PAK5: variants seen among roughly 807,000 people sequenced by gnomAD.
PAK5 encodes the protein p21 (RAC1) activated kinase 5.
In PAK5, 16 loss-of-function variants were observed where a neutral mutation model predicts 65.9. The ratio of observed to expected loss-of-function variants is 0.24; its 90% CI spans 0.16 to 0.37. The LOEUF is 0.37. Among genes scored for constraint, PAK5 ranks in the 10% least tolerant of loss-of-function variants. The pLI, the probability that PAK5 is intolerant of heterozygous loss-of-function variation, is 1.00. For synonymous variants in PAK5, 371 were observed against 354.9 expected (o/e 1.05, Z -0.51); for missense variants, 785 against 903.9 (o/e 0.87, Z 1.69).
At chr20:9,676,804 T>C (rs1008772493) in intron 2 of PAK5, among the ~76,000 whole-genome samples, 2 of 152,206 alleles carry the variant, frequency 1.3e-5, no homozygotes, top group Admixed American at 6.5e-5. Context: ...AGAAACTTTG[T>C]TAATCCACTC....
At chr20:9,555,953 T>G (rs1021702098) in intron 7 of PAK5, among the ~76,000 whole-genome samples, 3 of 152,192 alleles carry the variant, frequency 2.0e-5, no homozygotes, top group Non-Finnish European at 4.4e-5. Context: ...TGAGTAAGGC[T>G]ATCACCATAG....
At chr20:9,775,162 T>C (rs1339298381) in intron 1 of PAK5, among the ~76,000 whole-genome samples, 1 of 152,168 alleles carries the variant, frequency 6.6e-6, no homozygotes, top group East Asian at 1.9e-4. Context: ...AGAAATGTTC[T>C]ATCTTGGTTG....
intron 1 of PAK5, among the ~76,000 whole-genome samples, chr20:9,779,041 C>T (rs945965302): frequency 2.0e-5 from 3 of 151,972 alleles, no homozygotes; most frequent in African/African-American, 2.4e-5. Flanking sequence ...TCAGATTTAG[C>T]GTCTCTTTTT....
At chr20:9,690,491 G>A (rs1423818869) in intron 2 of PAK5, among the ~76,000 whole-genome samples, 9 of 152,024 alleles carry the variant, frequency 5.9e-5, no homozygotes, top group Non-Finnish European at 1.3e-4. Context: ...AATAATTCAG[G>A]GAAAAGAAGA....
intron 2 of PAK5, among the ~76,000 whole-genome samples, chr20:9,646,208 G>T (rs2047132594): frequency 6.6e-6 from 1 of 152,090 alleles, no homozygotes. Context: ...TTAAACACTT[G>T]TCCCTGTGTG....
Position 9,665,085 on chromosome 20 carries a change from GTTT to G in PAK5, c.-11-20749_-11-20747del, listed in dbSNP as rs754435525. 2.3e-4 allele frequency among the ~76,000 whole-genome samples: 23 copies of G among 98,890 alleles called. 2 individuals carry two copies. Among genetic ancestry groups the G allele is most frequent in the African/African-American group, 8.9e-4 (22 of 24,618 alleles). The allele number at this position is 98,890 out of a possible 152,430, so 64.9% of individuals were successfully genotyped here. A position where few individuals can be genotyped will look rare whatever the true frequency, so the allele number is the denominator to read the frequency against. ...CCACCATGCCCAGCTAAATTTTTCT[GTTT>G]TTTTTTTTTTTTGTAGTGATGAAGT... is the stretch of plus-strand genomic sequence containing the variant. On this transcript the variant is annotated intron_variant, in intron 2 of 9. Transcript: ENST00000353224.
At chr20:9,798,665 C>A (rs933094710) in intron 1 of PAK5, among the ~76,000 whole-genome samples, 3 of 152,096 alleles carry the variant, frequency 2.0e-5, no homozygotes, top group African/African-American at 7.2e-5. Context: ...AAAGTAGCTT[C>A]CTAGAATTTC....
intron 3 of PAK5, among the ~76,000 whole-genome samples, chr20:9,606,296 T>C (rs1169880841): frequency 6.6e-6 from 1 of 152,166 alleles, no homozygotes; most frequent in African/African-American, 2.4e-5. Context: ...TCCCCGATGA[T>C]TGTAAGTTTT....
chr20:9,574,302 C>G (rs2045846148), intron 4 of PAK5, among the ~76,000 whole-genome samples: 1 of 152,172 alleles, frequency 6.6e-6, no homozygotes, highest in Non-Finnish European at 1.5e-5. Flanking sequence ...ATGAATAAAT[C>G]TGAGATGTGC....
At chr20:9,544,585 A>G (rs2045315555) in intron 7 of PAK5, 91 bp from the exon 8 acceptor site, 1 of 1,241,084 alleles carries the variant, frequency 8.1e-7, no homozygotes, top group Non-Finnish European at 1.2e-6. Context: ...CAAATTTAAA[A>G]CAAAACAGTC....
chr20:9,629,763 T>C (rs981399589), intron 3 of PAK5, among the ~76,000 whole-genome samples: 1 of 152,204 alleles, frequency 6.6e-6, no homozygotes, highest in Non-Finnish European at 1.5e-5. Context: ...TGTATAAAGT[T>C]TGGGAGGGAC....
At chr20:9,809,681 T>G (rs1417064924) in intron 1 of PAK5, among the ~76,000 whole-genome samples, 1 of 152,218 alleles carries the variant, frequency 6.6e-6, no homozygotes, top group Non-Finnish European at 1.5e-5. Flanking sequence ...ACATCCCACC[T>G]TCCTGATTTC....
At chr20:9,667,673 C>A (rs1201775066) in intron 2 of PAK5, among the ~76,000 whole-genome samples, 2 of 152,148 alleles carry the variant, frequency 1.3e-5, no homozygotes, top group Non-Finnish European at 2.9e-5. Flanking sequence ...CCCACTGAAT[C>A]ATGAGATATC....
chr20:9,678,968 T>C (rs1481599483), intron 2 of PAK5, among the ~76,000 whole-genome samples: 2 of 152,116 alleles, frequency 1.3e-5, no homozygotes, highest in Admixed American at 1.3e-4. Context: ...AATACACAGT[T>C]GACCCTTGAA....
chr20:9,684,585 C>T (rs1371745019), intron 2 of PAK5, among the ~76,000 whole-genome samples: 1 of 152,184 alleles, frequency 6.6e-6, no homozygotes, highest in Non-Finnish European at 1.5e-5. Context: ...TTTCCTTCCT[C>T]CCGGGGACAT....
At chr20:9,758,329 C>T (rs1190750563) in intron 1 of PAK5, among the ~76,000 whole-genome samples, 1 of 152,088 alleles carries the variant, frequency 6.6e-6, no homozygotes, top group East Asian at 1.9e-4. Flanking sequence ...ACACATGTGG[C>T]CAAAACATTA....
chr20:9,695,703 T>A (rs2047859803), intron 2 of PAK5, among the ~76,000 whole-genome samples: 1 of 152,044 alleles, frequency 6.6e-6, no homozygotes, highest in Non-Finnish European at 1.5e-5. Context: ...TCTCATTAAC[T>A]ACTACTCAAA....
intron 1 of PAK5, among the ~76,000 whole-genome samples, chr20:9,749,607 C>T (rs1186428771): frequency 6.6e-6 from 1 of 152,138 alleles, no homozygotes; most frequent in Non-Finnish European, 1.5e-5. Context: ...CATATTATTG[C>T]TGTTCCATAG....
intron 3 of PAK5, among the ~76,000 whole-genome samples, chr20:9,607,265 A>G (rs2046472226): frequency 6.6e-6 from 1 of 152,224 alleles, no homozygotes; most frequent in African/African-American, 2.4e-5. Flanking sequence ...GAACCTGACT[A>G]TGAGAAAGTG....
Sources: gnomAD v4.1 joint callset for allele counts (sites outside exome capture counted in the v4.1 genomes callset) on GRCh38, gnomAD v4.1.1 for gene constraint, MANE v1.5 for transcripts, NCBI Gene and HGNC (gene_info 2026-07-23, HGNC 2026-07-21) for gene names.